The following TFCP2 variants were observed in gnomAD, a reference collection of about 807,000 sequenced individuals.
TFCP2 encodes the protein transcription factor CP2.
Under a neutral mutation model 73.4 loss-of-function variants are expected in TFCP2, and 33 were observed. The ratio of observed to expected loss-of-function variants is 0.45; its 90% confidence interval spans 0.34 to 0.60. The LOEUF is 0.60. TFCP2 is among the 20% of genes least tolerant of loss of function. TFCP2 has a pLI of 0.01. For missense variants in TFCP2, 352 were observed against 604.0 expected (o/e 0.58, Z 4.37); for synonymous variants, 193 against 211.6 (o/e 0.91, Z 0.76).
At chr12:51,163,520 G>A (rs1207231692) in intron 1 of TFCP2, among the ~76,000 whole-genome samples, 1 of 151,834 alleles carries the variant, frequency 6.6e-6, no homozygotes, top group Non-Finnish European at 1.5e-5. Flanking sequence ...AACTTGGGAG[G>A]CAGAGGTTGC....
chr12:51,122,865 C>T (rs1278663048), intron 1 of TFCP2, among the ~76,000 whole-genome samples: 1 of 152,166 alleles, frequency 6.6e-6, no homozygotes, highest in Non-Finnish European at 1.5e-5. Context: ...CACCACAAAA[C>T]TTAACACAGT....
At chr12:51,145,168 T>C (rs1941266890) in intron 1 of TFCP2, among the ~76,000 whole-genome samples, 1 of 140,186 alleles carries the variant, frequency 7.1e-6, no homozygotes, top group African/African-American at 2.7e-5. Flanking sequence ...ATCACTGCAC[T>C]CCAGCCTCGG....
At chr12:51,109,362 C>A (rs1940337585) in intron 5 of TFCP2, 89 bp from the exon 6 acceptor site, 1 of 1,379,808 alleles carries the variant, frequency 7.2e-7, no homozygotes. Context: ...ACAGCAAAAC[C>A]TTTACCAGGC....
chr12:51,093,968 A>T lies in TFCP2; in HGVS notation c.*1273T>A, dbSNP rs58309379. 11,800 of 145,508 alleles carry T rather than the reference A, an allele frequency of 0.081. 528 individuals are homozygous for T. Among genetic ancestry groups the T allele is most frequent in the African/African-American group, 0.12 (4,753 of 38,736 alleles). 9.0% of individuals were successfully genotyped at this position (145,508 alleles called of 1,614,324 possible). A position where few individuals can be genotyped will look rare whatever the true frequency, so the allele number is the denominator to read the frequency against. The stretch of plus-strand genomic sequence containing the variant: ...TACAAGTGAAGAAAGAAAACCCATG[A>T]TGTTACACTTACACACTTACACACA... On this transcript the variant is annotated 3_prime_UTR_variant, in exon 15 of 15. Coordinates refer to ENST00000257915, the MANE Select transcript of TFCP2 (RefSeq NM_005653.5).
At chr12:51,146,626 C>T (rs187063087) in intron 1 of TFCP2, among the ~76,000 whole-genome samples, 1 of 152,256 alleles carries the variant, frequency 6.6e-6, no homozygotes, top group African/African-American at 2.4e-5. Context: ...TAGGAAGATA[C>T]AGCAAGCTCA....
chr12:51,141,235 G>A lies in TFCP2; in HGVS notation c.123-22463C>T, dbSNP rs111444158. The stretch of plus-strand genomic sequence containing the variant: ...AAAAAAGCAGGGGGAAGTGGGGGAA[G>A]AACTAAAAGATTCTGCAATATAGCT... On this transcript the variant is annotated intron_variant, in intron 1 of 14. Coordinates refer to ENST00000257915, the MANE Select transcript of TFCP2 (RefSeq NM_005653.5). Among the ~76,000 whole-genome samples, 957 of 151,086 alleles carry A rather than the reference G, an allele frequency of 6.3e-3. 7 individuals are homozygous for A. Among genetic ancestry groups the A allele is most frequent in the African/African-American group, 0.022 (894 of 41,298 alleles).
chr12:51,141,778 C>T (rs567624118), intron 1 of TFCP2, among the ~76,000 whole-genome samples: 33 of 151,340 alleles, frequency 2.2e-4, no homozygotes, highest in African/African-American at 5.6e-4. Context: ...TGGTGGCGCA[C>T]GCCTGTAATC....
chr12:51,112,330 C>A (rs780693764), intron 4 of TFCP2, among the ~76,000 whole-genome samples: 10 of 152,136 alleles, frequency 6.6e-5, no homozygotes, highest in Non-Finnish European at 1.5e-4. Context: ...TATCCTCCTT[C>A]TAGCTTAAAA....
rs11320779 is a variant in TFCP2 at position 51,133,921 on chromosome 12, CAA to C, written c.123-15151_123-15150del. Among the ~76,000 whole-genome samples the C allele has an allele frequency of 1.1e-3, 106 of 97,034 alleles. 1 individual carries two copies. Among genetic ancestry groups the C allele is most frequent in the African/African-American group, 1.3e-3 (36 of 27,048 alleles). The allele number at this position is 97,034 out of a possible 152,430, so 63.7% of individuals were successfully genotyped here. ...TAGGCAACAGGGCGAGACCCTGTCT[CAA>C]AAAAAAAAAAAAAAACGAAAGAAAG... On this transcript the variant is annotated intron_variant, in intron 1 of 14. Transcript: ENST00000257915.
chr12:51,109,158 T>G lies in TFCP2; in HGVS notation c.680A>C (p.His227Pro). The change falls in exon 6 of 15, where the codon CAC (histidine) becomes CCC (proline). Residue 227 changes from histidine to proline, a missense_variant. His to Pro is a moderately conservative substitution (Grantham distance 77, BLOSUM62 -2). Around this residue, in one of 6 missense-constraint regions of TFCP2, gnomAD observed 47 missense variants for 89.1 expected, o/e 0.53. Transcript: ENST00000257915. ...KENENGEYTEHLHSASCQIKV... is the reference protein window; with the variant it reads ...KENENGEYTEPLHSASCQIKV... ...GATCTGGCAGCTGGCCGAGTGTAAG[T>G]GCTCAGTATATTCCCCGTTTTCATT... is the stretch of plus-strand genomic sequence containing the variant. 6.2e-7 allele frequency: 1 copy of G among 1,614,208 alleles called. No homozygotes were observed.
chr12:51,118,816 C>A, intron 1 of TFCP2, 44 bp from the exon 2 acceptor site: 1 of 1,602,168 alleles, frequency 6.2e-7, no homozygotes, highest in Non-Finnish European at 8.5e-7. Context: ...GGCAATGGTG[C>A]AAACGCAGGT....
chr12:51,109,541 C>T (rs527965787), intron 5 of TFCP2, among the ~76,000 whole-genome samples: 6 of 152,208 alleles, frequency 3.9e-5, no homozygotes, highest in African/African-American at 1.2e-4. Context: ...CTTCAAAGAA[C>T]ACAGAGCTAG....
chr12:51,110,572 C>CA (rs1940375934), intron 5 of TFCP2, among the ~76,000 whole-genome samples: 3 of 151,730 alleles, frequency 2.0e-5, no homozygotes, highest in African/African-American at 2.4e-5. Flanking sequence ...CTGTCCCCCC[C>CA]CAAAAAAATT....
intron 11 of TFCP2, among the ~76,000 whole-genome samples, chr12:51,101,042 G>A (rs1013315426): frequency 9.2e-5 from 14 of 152,114 alleles, no homozygotes; most frequent in African/African-American, 3.4e-4. Flanking sequence ...GGTGGCTCAC[G>A]CCTGTAATCC....
rs141233230 is a variant in TFCP2 at position 51,101,976 on chromosome 12, G to A, written c.1110C>T (p.Gly370=). 4.4e-5 allele frequency: 71 copies of A among 1,613,164 alleles called. No homozygotes were observed. In the African/African-American group the frequency reaches 8.4e-4, roughly 19 times the overall value. ...TAAAAAGTCTGATTCCATCTGCAGG[G>A]CCACAGATTTGGATCACATCATCTC... ...LTRDDVIQIC[G]PADGIRLFNA... is the part of the protein sequence containing the mutation. The change falls in exon 11 of 15, where the codon GGC becomes GGT. Residue 370 remains glycine, a synonymous_variant. Coordinates refer to ENST00000257915, the MANE Select transcript of TFCP2 (RefSeq NM_005653.5).
intron 1 of TFCP2, among the ~76,000 whole-genome samples, chr12:51,149,120 G>A (rs931445848): frequency 2.0e-5 from 3 of 151,478 alleles, no homozygotes; most frequent in South Asian, 2.1e-4. Flanking sequence ...TGGCATTTGC[G>A]GCAAGCTGGA....
intron 1 of TFCP2, among the ~76,000 whole-genome samples, chr12:51,162,617 T>A (rs1941671605): frequency 6.6e-6 from 1 of 152,188 alleles, no homozygotes; most frequent in African/African-American, 2.4e-5. Context: ...AATGTTCAAG[T>A]ATACAATATA....
chr12:51,107,667 CGA>C (rs998978441), intron 6 of TFCP2, among the ~76,000 whole-genome samples: 6 of 151,752 alleles, frequency 4.0e-5, no homozygotes, highest in Non-Finnish European at 5.9e-5. Context: ...AATGCGGTGG[CGA>C]GATCTTGGCT....
In TFCP2 at chr12:51,166,052, C is replaced by CATCTGTA. The variant is rs201539429; in HGVS notation, c.122+6242_122+6248dup. 6.8e-3 allele frequency among the ~76,000 whole-genome samples: 1,024 copies of CATCTGTA among 151,312 alleles called. 10 individuals carry two copies. The highest frequency in any genetic ancestry group is 0.024 in the African/African-American group (972 of 41,168). ...GAAGTTGGCCAGGCATGGTGGCTCA[C>CATCTGTA]ATCTGTAATCCCAGCACTTTGGGAG... On this transcript the variant is annotated intron_variant, in intron 1 of 14. Transcript: ENST00000257915.
Sources: gnomAD v4.1 joint callset for allele counts (sites outside exome capture counted in the v4.1 genomes callset) on GRCh38, gnomAD v4.1.1 for gene constraint, gnomAD v4.1.1 regional missense constraint, MANE v1.5 for transcripts, NCBI Gene and HGNC (gene_info 2026-07-23, HGNC 2026-07-21) for gene names.